ANO5: variants seen among roughly 807,000 people sequenced by gnomAD.
The protein encoded by ANO5 is anoctamin 5, also known as anoctamin-5.
ANO5 carries 109 observed loss-of-function variants against 121.0 expected under a neutral mutation model. The observed-to-expected ratio is 0.90, with a 90% CI of 0.77 to 1.06. The LOEUF is 1.06. ANO5 is among the 50% of genes least tolerant of loss of function. ANO5 has a pLI of 0.00. For missense variants in ANO5, 1,064 were observed against 1,078.5 expected, an observed-to-expected ratio of 0.99 and a Z score of 0.19; for synonymous variants, 406 against 359.9, an observed-to-expected ratio of 1.13 and a Z score of -1.45.
intron 13 of ANO5, among the ~76,000 whole-genome samples, chr11:22,255,828 C>G (rs1304879672): frequency 6.6e-6 from 1 of 152,098 alleles, no homozygotes; most frequent in Non-Finnish European, 1.5e-5. Flanking sequence ...CATACTCATA[C>G]TCTTTTGTGT....
rs144801902 is a variant in ANO5, at chr11:22,197,307, A to G, written c.40+3775A>G. On this transcript the variant is annotated intron_variant, in intron 1 of 21. Transcript: ENST00000324559. ...GTTAATAGAGCACTTAATTAGTTACATAAACAAACATTGCCAGTAAAATGT... is the reference window on the plus strand; with the variant it reads ...GTTAATAGAGCACTTAATTAGTTACGTAAACAAACATTGCCAGTAAAATGT... Among the ~76,000 whole-genome samples the G allele has an allele frequency of 1.7e-3, 257 of 152,196 alleles. 2 individuals are homozygous for G. The highest frequency in any genetic ancestry group is 5.8e-3 in the African/African-American group (239 of 41,496).
intron 4 of ANO5, among the ~76,000 whole-genome samples, chr11:22,220,659 A>C (rs971412533): frequency 3.9e-5 from 6 of 152,022 alleles, no homozygotes; most frequent in African/African-American, 1.4e-4. Context: ...TTATAAAAAC[A>C]TAGAATAAAC....
In ANO5 at chr11:22,214,985, T is replaced by C. The variant is rs188342494; in HGVS notation, c.139-3261T>C. On this transcript the variant is annotated intron_variant, in intron 3 of 21. Coordinates refer to ENST00000324559, the MANE Select transcript of ANO5 (RefSeq NM_213599.3). ...ATGAGTACCTAAATGATTACAGAGA[T>C]TGTCAGTATAGAAATGTCACTAAAG... Among the ~76,000 whole-genome samples, 1,376 of 152,066 alleles carry C rather than the reference T, an allele frequency of 9.0e-3. 22 individuals carry two copies. Among genetic ancestry groups the C allele is most frequent in the African/African-American group, 0.031 (1,306 of 41,516 alleles).
rs902148729 is a variant in ANO5, at chr11:22,193,259, T to A, written c.-234T>A. 7 of 1,118,610 alleles carry A rather than the reference T, an allele frequency of 6.3e-6. No individual in the cohort carries two copies. In the African/African-American group the frequency reaches 1.1e-4, roughly 18 times the overall value. The allele number at this position is 1,118,610 out of a possible 1,614,324, so 69.3% of individuals were successfully genotyped here. A position where few individuals can be genotyped will look rare whatever the true frequency, so the allele number is the denominator to read the frequency against. ...GCAGGTTGTGGGGGACCGGGTCGAG[T>A]GGAAGTACCCGCCGGAGAGGAAGGC... On this transcript the variant is annotated 5_prime_UTR_variant, in exon 1 of 22. Coordinates refer to ENST00000324559, the MANE Select transcript of ANO5 (RefSeq NM_213599.3).
At chr11:22,233,420 T>A (rs1853109478) in intron 7 of ANO5, among the ~76,000 whole-genome samples, 1 of 151,762 alleles carries the variant, frequency 6.6e-6, no homozygotes, top group Non-Finnish European at 1.5e-5. Flanking sequence ...ATATAAATTT[T>A]ATTTATCACC....
intron 12 of ANO5, among the ~76,000 whole-genome samples, chr11:22,253,969 C>G (rs1040355850): frequency 2.6e-5 from 4 of 152,072 alleles, no homozygotes; most frequent in African/African-American, 9.7e-5. Flanking sequence ...TGAATAAGGT[C>G]TGTACAACAT....
chr11:22,239,323 G>A (rs1332838444), intron 8 of ANO5, among the ~76,000 whole-genome samples: 4 of 152,202 alleles, frequency 2.6e-5, no homozygotes, highest in South Asian at 2.1e-4. Context: ...CATTCCAGGT[G>A]AAAGAATAGC....
At chr11:22,208,725 C>A (rs1590221007) in intron 2 of ANO5, among the ~76,000 whole-genome samples, 1 of 151,974 alleles carries the variant, frequency 6.6e-6, no homozygotes. Context: ...ATGGAAATAA[C>A]CATTGGAGGA....
chr11:22,255,581 T>A, intron 13 of ANO5, 59 bp downstream of exon 13: 1 of 1,578,406 alleles, frequency 6.3e-7, no homozygotes, highest in Non-Finnish European at 8.7e-7. Flanking sequence ...GCTATAGGTT[T>A]CTTCTCATAT....
intron 7 of ANO5, among the ~76,000 whole-genome samples, chr11:22,230,494 T>C (rs1853003806): frequency 6.6e-6 from 1 of 152,058 alleles, no homozygotes; most frequent in Non-Finnish European, 1.5e-5. Flanking sequence ...CCCAACACAG[T>C]TGCTTTTTGA....
chr11:22,234,548 A>G (rs1211599279), intron 7 of ANO5, among the ~76,000 whole-genome samples: 1 of 152,132 alleles, frequency 6.6e-6, no homozygotes, highest in Non-Finnish European at 1.5e-5. Context: ...CTGTTCGGAC[A>G]TGTTATAACA....
At chr11:22,217,587 A>G (rs1285835193) in intron 3 of ANO5, among the ~76,000 whole-genome samples, 4 of 151,828 alleles carry the variant, frequency 2.6e-5, no homozygotes, top group African/African-American at 9.7e-5. Flanking sequence ...TTCCTTTATT[A>G]TTATTATTTT....
chr11:22,274,866 G>A lies in ANO5; in HGVS notation c.2414+119G>A. 2.3e-6 allele frequency: 3 copies of A among 1,290,636 alleles called. No homozygotes were observed. The Admixed American group carries it at 5.9e-5, about 26-fold the overall frequency. The allele number at this position is 1,290,636 out of a possible 1,614,324, so 79.9% of individuals were successfully genotyped here. On this transcript the variant is annotated intron_variant, in intron 20 of 21. Transcript: ENST00000324559. Reference sequence around the variant, plus strand: ...ATTTTCTTAGGGCAACAAAAATCCTGTATAAATAAAGTGTATCCATTCTAG... The same window carrying A: ...ATTTTCTTAGGGCAACAAAAATCCTATATAAATAAAGTGTATCCATTCTAG...
At chr11:22,269,341 AAAGGG>A (rs1177387074) in intron 17 of ANO5, among the ~76,000 whole-genome samples, 31 of 135,902 alleles carry the variant, frequency 2.3e-4, no homozygotes, top group Middle Eastern at 3.6e-3. Flanking sequence ...AAGAGAAGGA[AAAGGG>A]AAGGGAAGGG....
At chr11:22,225,307 A>G (rs1186504564) in intron 5 of ANO5, among the ~76,000 whole-genome samples, 4 of 151,928 alleles carry the variant, frequency 2.6e-5, no homozygotes, top group Non-Finnish European at 5.9e-5. Flanking sequence ...AAAATTTTTT[A>G]AAAATTATCC....
At chr11:22,219,335 C>T (rs1301433751) in intron 4 of ANO5, among the ~76,000 whole-genome samples, 1 of 152,028 alleles carries the variant, frequency 6.6e-6, no homozygotes, top group Non-Finnish European at 1.5e-5. Flanking sequence ...GCTACTTTGT[C>T]TGTTTTCTTG....
chr11:22,250,324 A>G lies in ANO5; in HGVS notation c.966A>G (p.Leu322=), dbSNP rs7481951. The G allele has an allele frequency of 3.3e-5, 53 of 1,612,828 alleles. No individual in the cohort carries two copies. The highest frequency in any genetic ancestry group is 4.1e-5 in the Non-Finnish European group (48 of 1,179,374). Residue 322 remains leucine (L), a synonymous_variant, in exon 10 of 22, where the codon TTA becomes TTG. Transcript: ENST00000324559. ...TATTCTTTGCAGCTGTAGTTGGCTT[A>G]GCTTGTTTTATTTATGGCTTATTAT... ...EMLFFAAVVG[L]ACFIYGLLSM...
chr11:22,242,011 A>T (rs1853448854), intron 9 of ANO5, among the ~76,000 whole-genome samples: 1 of 152,086 alleles, frequency 6.6e-6, no homozygotes, highest in Non-Finnish European at 1.5e-5. Flanking sequence ...TAGGATTTTT[A>T]TAGTTTGAGG....
intron 1 of ANO5, 69 bp downstream of exon 1, chr11:22,193,601 A>AG: frequency 6.4e-7 from 1 of 1,563,406 alleles, no homozygotes. Flanking sequence ...CCCGCGGCGC[A>AG]GAGGCCCCGG....
Sources: allele counts gnomAD v4.1 joint callset (sites outside exome capture counted in the v4.1 genomes callset), GRCh38; gene constraint gnomAD v4.1.1; transcripts MANE v1.5; gene names NCBI Gene and HGNC (gene_info 2026-07-23, HGNC 2026-07-21).